FGD1: variants seen among roughly 807,000 people sequenced by gnomAD.
FGD1 encodes FYVE, RhoGEF and PH domain containing 1.
A neutral mutation model predicts 65.0 loss-of-function variants in FGD1; 12 were observed. The observed-to-expected ratio is 0.18, with a 90% CI of 0.12 to 0.30. FGD1 has a LOEUF of 0.30. Ranked by LOEUF, FGD1 falls within the 10% of genes least tolerant of loss-of-function variation. The pLI, the probability that FGD1 is intolerant of heterozygous loss-of-function variation, is 1.00. For missense variants in FGD1, 542 were observed against 837.6 expected (o/e 0.65, Z 4.36); for synonymous variants, 333 against 343.9 (o/e 0.97, Z 0.35).
intron 8 of FGD1, among the ~76,000 whole-genome samples, chrX:54,465,008 A>G (rs1425920259): frequency 9.2e-6 from 1 of 108,300 alleles, no homozygotes; most frequent in Admixed American, 9.9e-5. Context: ...CTGAGGTTTC[A>G]GGCTCAGTTT....
At position 54,495,406 on chromosome X, in the gene FGD1, G is replaced by A. The variant is rs377441190; in HGVS notation, c.27C>T (p.Gly9=). MHGHRAPG[G]AGPSEPEHPA... is the part of the protein sequence containing the mutation. ...GGTGTTCGGGCTCCGAAGGCCCGGCGCCCCCCGGGGCTCGGTGGCCATGCA... is the reference window on the plus strand; with the variant it reads ...GGTGTTCGGGCTCCGAAGGCCCGGCACCCCCCGGGGCTCGGTGGCCATGCA... The change falls in exon 1 of 18, where the codon GGC becomes GGT. Residue 9 remains glycine (G), a synonymous_variant. Transcript: ENST00000375135. The A allele has an allele frequency of 1.6e-4, 172 of 1,095,647 alleles. 1 individual carries two copies. In the East Asian group the frequency reaches 5.1e-3, roughly 32 times the overall value. The allele number at this position is 1,095,647 out of a possible 1,213,427, so 90.3% of individuals were successfully genotyped here. A position where few individuals can be genotyped will look rare whatever the true frequency, so the allele number is the denominator to read the frequency against.
In FGD1 at chrX:54,470,556, A is replaced by G. The variant is rs2239809; in HGVS notation, c.659+27T>C. ...CTGTCCCAGGCTCCCCCTTTCCCCT[A>G]GAGGGTGCCCTAGGGACCAGACTCA... On this transcript the variant is annotated intron_variant, in intron 3 of 17. Coordinates refer to ENST00000375135, the MANE Select transcript of FGD1 (RefSeq NM_004463.3). 0.1 allele frequency: 122,173 copies of G among 1,195,390 alleles called. 7,374 individuals are homozygous for G. Among genetic ancestry groups the G allele is most frequent in the East Asian group, 0.51 (16,990 of 33,377 alleles).
intron 1 of FGD1, among the ~76,000 whole-genome samples, chrX:54,491,424 C>T (rs1288988718): frequency 1.8e-5 from 2 of 112,248 alleles, no homozygotes; most frequent in African/African-American, 6.5e-5. Context: ...GAGGTTGACT[C>T]TCCCTTTGTG....
chrX:54,449,278 G>A lies in FGD1; in HGVS notation c.2149-10C>T, dbSNP rs1232331196. 8.3e-6 allele frequency: 10 copies of A among 1,209,448 alleles called. No homozygotes were observed. The Admixed American group carries it at 2.2e-4, about 26-fold the overall frequency. ...TCCCAAGATCCACGTTCTGTAGGGA[G>A]GGCCAGGTCTCAGGTCAGAGACAGC... On this transcript the variant is annotated splice_polypyrimidine_tract_variant and intron_variant, in intron 14 of 17. Coordinates refer to ENST00000375135, the MANE Select transcript of FGD1 (RefSeq NM_004463.3).
chrX:54,451,106 T>G (rs1215516656), intron 12 of FGD1, among the ~76,000 whole-genome samples: 1 of 110,083 alleles, frequency 9.1e-6, no homozygotes, highest in Non-Finnish European at 1.9e-5. Context: ...AGGGTAGTTT[T>G]TTTTTCATTT....
intron 1 of FGD1, among the ~76,000 whole-genome samples, chrX:54,479,072 C>G (rs1923083839): frequency 8.9e-6 from 1 of 112,713 alleles, no homozygotes; most frequent in Non-Finnish European, 1.9e-5. Flanking sequence ...TTTCCCATGA[C>G]AATTTATTAT....
intron 8 of FGD1, 78 bp downstream of exon 8, chrX:54,465,373 T>C: frequency 9.3e-7 from 1 of 1,070,077 alleles, no homozygotes; most frequent in Non-Finnish European, 1.3e-6. Context: ...GAATTAAGTC[T>C]TGGGGTCCTG....
chrX:54,478,541 C>G (rs1260547244), intron 1 of FGD1, among the ~76,000 whole-genome samples: 1 of 111,296 alleles, frequency 9.0e-6, no homozygotes, highest in African/African-American at 3.3e-5. Flanking sequence ...TTGCACAGAC[C>G]TCAGTTTAGA....
chrX:54,450,250 C>T (rs1406305652), intron 13 of FGD1, 21 bp downstream of exon 13: 1 of 1,204,297 alleles, frequency 8.3e-7, no homozygotes, highest in East Asian at 3.0e-5. Context: ...TAGCCCCCTA[C>T]CACAGAGCCT....
chrX:54,487,916 C>CTCCA (rs1485327733), intron 1 of FGD1, among the ~76,000 whole-genome samples: 1 of 109,556 alleles, frequency 9.1e-6, no homozygotes, highest in East Asian at 2.9e-4. Flanking sequence ...TGCCACTGCA[C>CTCCA]TCCAGCCTGG....
rs1231918487 is a variant in FGD1 at position 54,471,193 on chromosome X, C to T, written c.481+121G>A. 6 of 785,028 alleles carry T rather than the reference C, an allele frequency of 7.6e-6. No individual in the cohort carries two copies. In the Admixed American group the frequency reaches 1.2e-4, roughly 16 times the overall value. The allele number at this position is 785,028 out of a possible 1,213,427, so 64.7% of individuals were successfully genotyped here. ...CTGTGCACTAGGTAGGTAGCACTGC[C>T]CTGGGAGCATGGTGGCTCCCTATCC... On this transcript the variant is annotated intron_variant, in intron 2 of 17. Coordinates refer to ENST00000375135, the MANE Select transcript of FGD1 (RefSeq NM_004463.3).
chrX:54,464,857 G>A (rs1015764021), intron 8 of FGD1, among the ~76,000 whole-genome samples: 3 of 109,748 alleles, frequency 2.7e-5, no homozygotes, highest in Non-Finnish European at 5.7e-5. Context: ...AGTGGCTGGC[G>A]GACATGGAGG....
chrX:54,470,275 C>T lies in FGD1; in HGVS notation c.842G>A (p.Arg281Gln). ...GPRDGEKVPN[R>Q]DSGIDSISSP... ...GCTGATGCTATCAATGCCGCTGTCCCGGTTGGGCACCTTCTCACCGTCCCG... is the reference window on the plus strand; with the variant it reads ...GCTGATGCTATCAATGCCGCTGTCCTGGTTGGGCACCTTCTCACCGTCCCG... The change falls in exon 4 of 18, where the codon CGG becomes CAG. Residue 281 changes from arginine to glutamine, a missense_variant. By Grantham distance (43) the Arg-to-Gln change is conservative. Transcript: ENST00000375135. The T allele has an allele frequency of 1.7e-6, 2 of 1,205,795 alleles. No homozygotes were observed. The highest frequency in any genetic ancestry group is 2.2e-6 in the Non-Finnish European group (2 of 892,553).
At chrX:54,465,891 T>G (rs746709489) in intron 6 of FGD1, 39 bp from the exon 7 acceptor site, 1 of 1,204,412 alleles carries the variant, frequency 8.3e-7, no homozygotes, top group Non-Finnish European at 1.1e-6. Flanking sequence ...CCTGCTGCTC[T>G]TTGCCCCTCA....
chrX:54,465,524 G>A lies in FGD1; in HGVS notation c.1563C>T (p.Pro521=), dbSNP rs201996522. ...AGTCCTTGAGAAGAAGCTCATAGCG[G>A]GGGATGCGCTGCACAGGCTCCAGCA... The part of the protein sequence containing the change: ...HHMLEPVQRI[P]RYELLLKDYL... The change falls in exon 8 of 18, where the codon CCC becomes CCT. Residue 521 remains proline, a synonymous_variant. Coordinates refer to ENST00000375135, the MANE Select transcript of FGD1 (RefSeq NM_004463.3). 1.1e-4 allele frequency: 135 copies of A among 1,207,769 alleles called. No individual in the cohort carries two copies. In the East Asian group the frequency reaches 2.1e-3, roughly 18 times the overall value.
chrX:54,446,494 A>G, intron 17 of FGD1, 80 bp from the exon 18 acceptor site: 1 of 975,169 alleles, frequency 1.0e-6, no homozygotes, highest in Non-Finnish European at 1.4e-6. Context: ...GGTTTTGCAT[A>G]TGCTCTGTCT....
At chrX:54,464,426 C>A (rs1456625526) in intron 8 of FGD1, among the ~76,000 whole-genome samples, 3 of 111,757 alleles carry the variant, frequency 2.7e-5, no homozygotes, top group African/African-American at 9.8e-5. Context: ...AGCCACTGCG[C>A]CCGGCCTCTA....
intron 1 of FGD1, among the ~76,000 whole-genome samples, chrX:54,482,172 GAC>G (rs1923156003): frequency 9.1e-6 from 1 of 110,494 alleles, no homozygotes. Flanking sequence ...AGAACATTAA[GAC>G]ACACACACAA....
rs766075933 is a variant in FGD1 at position 54,495,331 on chromosome X, G to A, written c.102C>T (p.Asp34=). ...GCAGTCCGGGTTCCGAGGCTCCAGG[G>A]TCCGAGTCGGCACAGGCCGGCGGAG... ...GAAPPACADS[D]PGASEPGLLA... is the part of the protein sequence containing the mutation. The change falls in exon 1 of 18, where the codon GAC becomes GAT. Residue 34 remains aspartate (D), a synonymous_variant. Transcript: ENST00000375135. 70 of 1,163,786 alleles carry A rather than the reference G, an allele frequency of 6.0e-5. No homozygotes were observed. Among genetic ancestry groups the A allele is most frequent in the Non-Finnish European group, 7.7e-5 (67 of 874,338 alleles).
Sources: allele counts gnomAD v4.1 joint callset (sites outside exome capture counted in the v4.1 genomes callset), GRCh38; gene constraint gnomAD v4.1.1; transcripts MANE v1.5; gene names NCBI Gene and HGNC (gene_info 2026-07-23, HGNC 2026-07-21).